Variants in FRMPD4 observed in about 807,000 individuals in gnomAD.
The protein encoded by FRMPD4 is FERM and PDZ domain-containing protein 4.
A neutral mutation model predicts 94.1 loss-of-function variants in FRMPD4; 22 were observed. That is an observed-to-expected ratio of 0.23 (90% CI 0.17 to 0.33). The LOEUF is 0.33. FRMPD4 is among the 10% of genes least tolerant of loss of function. FRMPD4 has a pLI of 1.00. For synonymous variants in FRMPD4, 631 were observed against 548.6 expected, an observed-to-expected ratio of 1.15 and a Z score of -2.10; for missense variants, 1,111 against 1,339.9, an observed-to-expected ratio of 0.83 and a Z score of 2.67.
At chrX:12,140,493 T>A (rs2055674691) in intron 1 of FRMPD4, among the ~76,000 whole-genome samples, 1 of 112,094 alleles carries the variant, frequency 8.9e-6, no homozygotes, top group Non-Finnish European at 1.9e-5. Flanking sequence ...CTGTCAAATA[T>A]TGAACCATGG....
chrX:12,431,372 G>A (rs1450161808), intron 1 of FRMPD4, among the ~76,000 whole-genome samples: 2 of 112,206 alleles, frequency 1.8e-5, no homozygotes, highest in East Asian at 5.5e-4. Context: ...TTGAATAACA[G>A]TATGAATGTA....
At chrX:12,659,080 C>T (rs1191512951) in intron 4 of FRMPD4, among the ~76,000 whole-genome samples, 1 of 112,384 alleles carries the variant, frequency 8.9e-6, no homozygotes, top group African/African-American at 3.2e-5. Flanking sequence ...GGTCGCTGAG[C>T]TCCTGGCTCT....
At chrX:12,708,468 C>CAA (rs35569007) in intron 13 of FRMPD4, among the ~76,000 whole-genome samples, 1,936 of 59,216 alleles carry the variant, frequency 0.033, 80 homozygotes, top group African/African-American at 0.1. Flanking sequence ...GACTCCATCT[C>CAA]AAAAAAAAAA....
intron 2 of FRMPD4, among the ~76,000 whole-genome samples, chrX:12,596,403 T>C (rs185927553): frequency 2.2e-3 from 250 of 111,958 alleles, no homozygotes; most frequent in African/African-American, 8.0e-3. Context: ...TTAATTACTT[T>C]CATATTTGTA....
At chrX:11,994,054 T>C (rs769850748) in intron 3 of FRMPD4, among the ~76,000 whole-genome samples, 5 of 111,391 alleles carry the variant, frequency 4.5e-5, no homozygotes, top group African/African-American at 6.5e-5. Flanking sequence ...GACCAGTGCT[T>C]CTCAACTGAG....
At chrX:11,965,525 T>C (rs1412188294) in intron 3 of FRMPD4, among the ~76,000 whole-genome samples, 1 of 112,099 alleles carries the variant, frequency 8.9e-6, no homozygotes, top group Non-Finnish European at 1.9e-5. Flanking sequence ...TCAATTTACA[T>C]CCTTCCAAAG....
intron 1 of FRMPD4, among the ~76,000 whole-genome samples, chrX:12,276,990 G>A (rs2054448688): frequency 9.5e-6 from 1 of 105,003 alleles, no homozygotes; most frequent in Non-Finnish European, 2.0e-5. Context: ...GCGTAGTGGC[G>A]GGCGCCTGTA....
intron 4 of FRMPD4, among the ~76,000 whole-genome samples, chrX:12,650,854 A>C (rs2059589497): frequency 8.8e-6 from 1 of 113,050 alleles, no homozygotes; most frequent in African/African-American, 3.2e-5. Context: ...CATGGAGTGG[A>C]AGATAGGAAT....
chrX:12,150,570 AG>A (rs2055833994), intron 1 of FRMPD4, among the ~76,000 whole-genome samples: 1 of 112,482 alleles, frequency 8.9e-6, no homozygotes, highest in Non-Finnish European at 1.9e-5. Context: ...TAAAGAAAAT[AG>A]AAGGCTAAGT....
chrX:11,825,142 C>T (rs1198537837), intron 1 of FRMPD4, among the ~76,000 whole-genome samples: 3 of 105,105 alleles, frequency 2.9e-5, no homozygotes, highest in Admixed American at 1.0e-4. Context: ...AGCAAAAGTA[C>T]TTGAGAGATG....
At chrX:12,255,900 C>T (rs1212366408) in intron 1 of FRMPD4, among the ~76,000 whole-genome samples, 6 of 112,167 alleles carry the variant, frequency 5.3e-5, no homozygotes, top group Admixed American at 9.4e-5. Flanking sequence ...ATGAACTGAT[C>T]ATGAACATGA....
intron 1 of FRMPD4, among the ~76,000 whole-genome samples, chrX:11,862,272 T>TG (rs776671169): frequency 2.1e-4 from 23 of 110,914 alleles, no homozygotes; most frequent in Non-Finnish European, 4.3e-4. Context: ...AGGTTTCAGG[T>TG]GGAAATGTAG....
chrX:12,381,239 A>G (rs1193115741), intron 1 of FRMPD4, among the ~76,000 whole-genome samples: 1 of 112,324 alleles, frequency 8.9e-6, no homozygotes, highest in East Asian at 2.8e-4. Flanking sequence ...GCCAATACAG[A>G]AAGCAACAGG....
chrX:12,624,432 G>A (rs1156546217), intron 4 of FRMPD4, among the ~76,000 whole-genome samples: 4 of 111,933 alleles, frequency 3.6e-5, no homozygotes, highest in African/African-American at 1.3e-4. Context: ...AAATTAGGTT[G>A]TTATCAGCTT....
intron 1 of FRMPD4, among the ~76,000 whole-genome samples, chrX:12,247,867 C>G (rs2053977758): frequency 8.9e-6 from 1 of 111,961 alleles, no homozygotes; most frequent in Non-Finnish European, 1.9e-5. Flanking sequence ...ATAATTTGAA[C>G]AAGTTCAGGC....
chrX:12,537,833 A>G (rs1047593324), intron 2 of FRMPD4, among the ~76,000 whole-genome samples: 47 of 111,019 alleles, frequency 4.2e-4, no homozygotes, highest in Middle Eastern at 4.6e-3. Context: ...GGTTCTAAAT[A>G]CATTTTACAA....
chrX:12,549,794 ACT>A (rs2058515173), intron 2 of FRMPD4, among the ~76,000 whole-genome samples: 1 of 112,130 alleles, frequency 8.9e-6, no homozygotes, highest in East Asian at 2.8e-4. Context: ...AGTTTGGAAA[ACT>A]CTGCCTTACT....
At chrX:11,951,620 G>T (rs368328791) in intron 3 of FRMPD4, among the ~76,000 whole-genome samples, 245 of 111,873 alleles carry the variant, frequency 2.2e-3, no homozygotes, top group African/African-American at 7.7e-3. Flanking sequence ...AGGGAGAGGA[G>T]CAGGAAAAAT....
intron 1 of FRMPD4, among the ~76,000 whole-genome samples, chrX:12,322,091 C>T (rs1223376185): frequency 9.0e-6 from 1 of 111,667 alleles, no homozygotes; most frequent in African/African-American, 3.3e-5. Flanking sequence ...CCATCTTCCC[C>T]TCCAGAGAGA....
Sources: gnomAD v4.1 joint callset for allele counts (sites outside exome capture counted in the v4.1 genomes callset) on GRCh38, gnomAD v4.1.1 for gene constraint, MANE v1.5 for transcripts, NCBI Gene and HGNC (gene_info 2026-07-23, HGNC 2026-07-21) for gene names.